Variants in SETMAR observed in about 807,000 individuals in gnomAD.
The protein encoded by SETMAR is SET and mariner transposase domain methyltransferase.
In SETMAR, 44 loss-of-function variants were observed where a neutral mutation model predicts 58.4. The ratio of observed to expected loss-of-function variants is 0.75; its 90% CI spans 0.59 to 0.97. The LOEUF is 0.97. Ranked by LOEUF, SETMAR falls within the 50% of genes least tolerant of loss-of-function variation. The pLI is 0.00. For missense variants in SETMAR, 903 were observed against 840.2 expected (o/e 1.07, Z -0.92); for synonymous variants, 332 against 307.4 (o/e 1.08, Z -0.84).
At chr3:4,314,613 G>A (rs908469565) in intron 2 of SETMAR, among the ~76,000 whole-genome samples, 8 of 152,112 alleles carry the variant, frequency 5.3e-5, no homozygotes, top group African/African-American at 1.9e-4. Flanking sequence ...ATCTTGTGAA[G>A]TTATGCTTCA....
Position 4,316,504 on chromosome 3 carries a change from T to C in SETMAR, c.1313T>C (p.Val438Ala), listed in dbSNP as rs1698654966. 1.5e-5 allele frequency: 24 copies of C among 1,597,206 alleles called. No homozygotes were observed. The highest frequency in any genetic ancestry group is 2.0e-5 in the Non-Finnish European group (24 of 1,171,412). Residue 438 changes from valine (V) to alanine (A), a missense_variant, in exon 3 of 3, where the codon GTC becomes GCC. Coordinates refer to ENST00000358065, the MANE Select transcript of SETMAR (RefSeq NM_006515.4). ...TTREVAEELNVNHSTVVRHLK... is the reference protein window; with the variant it reads ...TTREVAEELNANHSTVVRHLK... ...CGAGAAGTTGCTGAAGAACTCAATG[T>C]CAACCATTCTACGGTCGTTCGACAT... is the stretch of plus-strand genomic sequence containing the variant.
chr3:4,313,521 T>G lies in SETMAR; in HGVS notation c.780T>G (p.Tyr260Ter). The change falls in exon 2 of 3, where the codon TAT becomes TAG. Residue 260 changes from tyrosine (Y) to a stop codon, truncating the protein, a stop_gained. Transcript: ENST00000358065. LOFTEE classifies it high-confidence loss of function. ...KDIVPEEELS[Y>*]DYSGRYLNLT... ...TTGTGCCAGAAGAAGAACTCTCTTA[T>G]GATTATTCAGGAAGATATCTTAATC... 1 of 1,614,048 alleles carries G rather than the reference T, an allele frequency of 6.2e-7. No individual in the cohort carries two copies. The highest frequency in any genetic ancestry group is 8.5e-7 in the Non-Finnish European group (1 of 1,179,958).
intron 1 of SETMAR, 101 bp downstream of exon 1, chr3:4,303,627 G>C: frequency 2.9e-6 from 4 of 1,394,062 alleles, no homozygotes; most frequent in Non-Finnish European, 3.7e-6. Flanking sequence ...GCGACCTTTT[G>C]TCTTCTCTTA....
intron 1 of SETMAR, among the ~76,000 whole-genome samples, chr3:4,304,407 G>T (rs372278720): frequency 1.1e-4 from 16 of 152,356 alleles, no homozygotes; most frequent in Admixed American, 3.3e-4. Flanking sequence ...CTCCCAAAAT[G>T]CTGGGATTAC....
At chr3:4,305,528 G>T (rs1209768161) in intron 1 of SETMAR, among the ~76,000 whole-genome samples, 3 of 152,234 alleles carry the variant, frequency 2.0e-5, no homozygotes, top group Admixed American at 6.5e-5. Context: ...GAAAGAAAAA[G>T]AGGGGGAAAG....
At chr3:4,315,715 T>C (rs1321052281) in intron 2 of SETMAR, among the ~76,000 whole-genome samples, 4 of 152,126 alleles carry the variant, frequency 2.6e-5, no homozygotes, top group Non-Finnish European at 5.9e-5. Context: ...TATTATCCCA[T>C]GATAAAATAA....
At chr3:4,309,199 G>C (rs1258358899) in intron 1 of SETMAR, among the ~76,000 whole-genome samples, 1 of 152,192 alleles carries the variant, frequency 6.6e-6, no homozygotes, top group Non-Finnish European at 1.5e-5. Flanking sequence ...GCTTCAGAGA[G>C]AATAGATTGT....
chr3:4,304,138 T>G (rs1294876970), intron 1 of SETMAR: 1 of 170,228 alleles, frequency 5.9e-6, no homozygotes, highest in Non-Finnish European at 1.4e-5. Context: ...TCAAAGCCCT[T>G]TCTACTCTCC....
At chr3:4,304,371 A>G (rs1031402450) in intron 1 of SETMAR, among the ~76,000 whole-genome samples, 34 of 152,006 alleles carry the variant, frequency 2.2e-4, no homozygotes, top group Admixed American at 8.5e-4. Flanking sequence ...CGAACTCCCA[A>G]CCTCAGGTGA....
rs966368761 is a variant in SETMAR at position 4,303,514 on chromosome 3, G to A, written c.144G>A (p.Pro48=). The A allele has an allele frequency of 2.8e-6, 4 of 1,436,794 alleles. No individual in the cohort carries two copies. The highest frequency in any genetic ancestry group is 2.2e-4 in the Middle Eastern group (1 of 4,580). 89.0% of individuals were successfully genotyped at this position (1,436,794 alleles called of 1,614,324 possible). Residue 48 remains proline (P), a synonymous_variant, in exon 1 of 3, where the codon CCG becomes CCA. Coordinates refer to ENST00000358065, the MANE Select transcript of SETMAR (RefSeq NM_006515.4). ...PVGAWPPGAA[P]APFQYTPDHV... ...GCGCGTGGCCCCCGGGGGCCGCGCCGGCGCCCTTCCAGGTAGGGGCGGGGC... is the reference window on the plus strand; with the variant it reads ...GCGCGTGGCCCCCGGGGGCCGCGCCAGCGCCCTTCCAGGTAGGGGCGGGGC...
At chr3:4,309,298 C>G (rs1025508214) in intron 1 of SETMAR, among the ~76,000 whole-genome samples, 3 of 152,254 alleles carry the variant, frequency 2.0e-5, no homozygotes, top group South Asian at 4.2e-4. Flanking sequence ...ACCCCTGCCC[C>G]CTTCCCATCA....
At chr3:4,312,180 T>C (rs1017480305) in intron 1 of SETMAR, among the ~76,000 whole-genome samples, 1 of 152,196 alleles carries the variant, frequency 6.6e-6, no homozygotes, top group African/African-American at 2.4e-5. Context: ...AATTGACTTG[T>C]CATCTATGAC....
intron 1 of SETMAR, 132 bp from the exon 2 acceptor site, chr3:4,312,766 G>A: frequency 1.0e-6 from 1 of 995,486 alleles, no homozygotes; most frequent in Non-Finnish European, 1.4e-6. Flanking sequence ...ATCTTAGTAT[G>A]CTGTGTTTTG....
intron 2 of SETMAR, among the ~76,000 whole-genome samples, chr3:4,314,796 T>G (rs1447360220): frequency 6.6e-6 from 1 of 152,214 alleles, no homozygotes; most frequent in East Asian, 1.9e-4. Flanking sequence ...TGGAGGTTTA[T>G]CAGACATTTT....
At chr3:4,303,881 G>C (rs1394488588) in intron 1 of SETMAR, 1 of 1,275,070 alleles carries the variant, frequency 7.8e-7, no homozygotes, top group South Asian at 1.3e-5. Context: ...AGGATAAGCC[G>C]TGGGGCCTAT....
Position 4,313,021 on chromosome 3 carries a change from G to A in SETMAR, c.280G>A (p.Glu94Lys). The A allele has an allele frequency of 6.2e-7, 1 of 1,613,978 alleles. No individual in the cohort carries two copies. The change falls in exon 2 of 3, where the codon GAG becomes AAG. Residue 94 changes from glutamate to lysine, a missense_variant. Coordinates refer to ENST00000358065, the MANE Select transcript of SETMAR (RefSeq NM_006515.4). Reference protein sequence around the residue: ...PGTCSCLRHGENYDDNSCLRD... With the variant: ...PGTCSCLRHGKNYDDNSCLRD... The stretch of plus-strand genomic sequence containing the variant: ...CACTTGCTCCTGTCTCCGCCATGGA[G>A]AGAACTATGATGATAACTCATGCCT...
At chr3:4,305,637 G>T (rs995990837) in intron 1 of SETMAR, among the ~76,000 whole-genome samples, 2 of 152,092 alleles carry the variant, frequency 1.3e-5, no homozygotes, top group African/African-American at 2.4e-5. Context: ...AAAATATTTT[G>T]ATTTCTTCCC....
At chr3:4,305,550 T>C (rs568715205) in intron 1 of SETMAR, among the ~76,000 whole-genome samples, 1 of 152,312 alleles carries the variant, frequency 6.6e-6, no homozygotes, top group South Asian at 2.1e-4. Flanking sequence ...GGATTCTCTA[T>C]AGAATGTGGA....
chr3:4,314,924 T>C (rs1698575550), intron 2 of SETMAR, among the ~76,000 whole-genome samples: 1 of 152,230 alleles, frequency 6.6e-6, no homozygotes, highest in African/African-American at 2.4e-5. Context: ...TAGGAATCCA[T>C]GTTATATATA....
Sources: gnomAD v4.1 joint callset for allele counts (sites outside exome capture counted in the v4.1 genomes callset) on GRCh38, gnomAD v4.1.1 for gene constraint, MANE v1.5 for transcripts, NCBI Gene and HGNC (gene_info 2026-07-23, HGNC 2026-07-21) for gene names.